Variants in CLVS1 observed in about 807,000 individuals in gnomAD.
CLVS1 encodes clavesin 1, also known as clavesin-1.
Under a neutral mutation model 33.1 loss-of-function variants are expected in CLVS1, and 10 were observed. The ratio of observed to expected loss-of-function variants is 0.30; its 90% CI spans 0.19 to 0.51. CLVS1 has a LOEUF of 0.51. Ranked by LOEUF, CLVS1 falls within the 20% of genes least tolerant of loss-of-function variation. The pLI is 0.97. For missense variants in CLVS1, 343 were observed against 433.4 expected (o/e 0.79, Z 1.85); for synonymous variants, 163 against 166.1 (o/e 0.98, Z 0.14).
chr8:61,105,451 G>A (rs1440483098), intron 1 of CLVS1, among the ~76,000 whole-genome samples: 1 of 151,998 alleles, frequency 6.6e-6, no homozygotes, highest in Non-Finnish European at 1.5e-5. Flanking sequence ...CATAAAACTC[G>A]TCTCACTCTG....
intron 1 of CLVS1, among the ~76,000 whole-genome samples, chr8:61,073,794 C>T (rs369486094): frequency 7.9e-5 from 12 of 151,480 alleles, no homozygotes; most frequent in Admixed American, 3.3e-4. Context: ...AGGCGGATCA[C>T]GAGGTCAGGA....
At chr8:61,047,626 GT>G in the CLVS1 span, among the ~76,000 whole-genome samples, 28 of 152,320 alleles carry the variant, frequency 1.8e-4, 1 homozygote, top group South Asian at 5.8e-3. Context: ...AAAATGATGA[GT>G]TCATGTCCTT....
At chr8:61,263,116 G>A (rs2129592315) in intron 2 of CLVS1, among the ~76,000 whole-genome samples, 1 of 152,270 alleles carries the variant, frequency 6.6e-6, no homozygotes. Flanking sequence ...ATGACCCAAA[G>A]ATGTCCCCGG....
chr8:61,332,334 G>T (rs1811630642), intron 2 of CLVS1, among the ~76,000 whole-genome samples: 1 of 152,086 alleles, frequency 6.6e-6, no homozygotes, highest in African/African-American at 2.4e-5. Context: ...GTGTTGCGCT[G>T]CTCCTTTAAA....
upstream of CLVS1, among the ~76,000 whole-genome samples, chr8:61,054,789 T>G (rs147119037): frequency 2.9e-3 from 448 of 152,284 alleles, 8 homozygotes; most frequent in Admixed American, 0.026. Context: ...GAGTCACCCA[T>G]GGGAAGAGCT....
chr8:61,198,099 A>C (rs1357676571), intron 2 of CLVS1, among the ~76,000 whole-genome samples: 12 of 145,792 alleles, frequency 8.2e-5, no homozygotes, highest in Admixed American at 5.7e-4. Context: ...TAGTTGTTAA[A>C]ATTTGGTGTT....
At chr8:61,058,972 C>A (rs998529176) in intron 1 of CLVS1, among the ~76,000 whole-genome samples, 1 of 152,036 alleles carries the variant, frequency 6.6e-6, no homozygotes, top group Non-Finnish European at 1.5e-5. Context: ...TGTTTCTGAG[C>A]TTTTAATATT....
intron 2 of CLVS1, among the ~76,000 whole-genome samples, chr8:61,258,095 T>A (rs1809124441): frequency 6.6e-6 from 1 of 152,196 alleles, no homozygotes; most frequent in Non-Finnish European, 1.5e-5. Flanking sequence ...CAATCTTCTC[T>A]TCTCTGCTCC....
At position 61,454,239 on chromosome 8, in the gene CLVS1, G is replaced by A; in HGVS notation, c.729G>A (p.Lys243=). ...YTLIKPFLKD[K]TRKRIFLHGN... The stretch of plus-strand genomic sequence containing the variant: ...TCATCAAGCCATTTCTTAAAGACAA[G>A]ACCAGGAAACGGGTAATGAAAACAA... Residue 243 remains lysine, a synonymous_variant, in exon 4 of 6, where the codon AAG becomes AAA. Transcript: ENST00000325897. 1.2e-6 allele frequency: 2 copies of A among 1,613,034 alleles called. No individual in the cohort carries two copies. The highest frequency in any genetic ancestry group is 1.7e-6 in the Non-Finnish European group (2 of 1,179,060).
intron 2 of CLVS1, among the ~76,000 whole-genome samples, chr8:61,311,318 C>G (rs1810824373): frequency 6.6e-6 from 1 of 152,312 alleles, no homozygotes; most frequent in African/African-American, 2.4e-5. Context: ...TTTATTCTCC[C>G]TTCTCCCTCT....
chr8:61,068,223 G>GTA lies in CLVS1; in HGVS notation c.-243+10995_-243+10996dup, dbSNP rs71521932. On this transcript the variant is annotated intron_variant, in intron 1 of 2. Transcript: ENST00000522621. ...TGTATATATATATATATATATGTAT[G>GTA]TATGTGTATATATATATATATATAT... Among the ~76,000 whole-genome samples, 280 of 105,162 alleles carry GTA rather than the reference G, an allele frequency of 2.7e-3. 5 individuals carry two copies. The highest frequency in any genetic ancestry group is 0.011 in the African/African-American group (207 of 18,952). The allele number at this position is 105,162 out of a possible 152,430, so 69.0% of individuals were successfully genotyped here.
chr8:61,399,379 T>A (rs574767107), intron 3 of CLVS1, among the ~76,000 whole-genome samples: 119 of 152,316 alleles, frequency 7.8e-4, no homozygotes, highest in African/African-American at 2.7e-3. Context: ...CTTTGCTGAC[T>A]TTTTAATGGG....
At chr8:61,074,953 A>G (rs1804881969) in intron 1 of CLVS1, among the ~76,000 whole-genome samples, 1 of 152,134 alleles carries the variant, frequency 6.6e-6, no homozygotes, top group African/African-American at 2.4e-5. Context: ...GGGGGGAAGC[A>G]CACTTTTGAA....
At chr8:61,021,027 C>T in the CLVS1 span, among the ~76,000 whole-genome samples, 115 of 152,214 alleles carry the variant, frequency 7.6e-4, 1 homozygote, top group Non-Finnish European at 1.1e-3. Flanking sequence ...GCTGCACACA[C>T]TTTTTCCTGT....
chr8:61,357,457 CG>C (rs1563513944), intron 2 of CLVS1, among the ~76,000 whole-genome samples: 2 of 116,456 alleles, frequency 1.7e-5, no homozygotes, highest in African/African-American at 6.1e-5. Context: ...TTTGCCAGGA[CG>C]TTTTTTTTTC....
At chr8:61,207,586 T>C (rs1468890640) in intron 2 of CLVS1, among the ~76,000 whole-genome samples, 2 of 152,258 alleles carry the variant, frequency 1.3e-5, no homozygotes, top group African/African-American at 4.8e-5. Flanking sequence ...TGTCTGCAGA[T>C]AGAGCTCAAC....
chr8:60,984,594 C>T, the CLVS1 span, among the ~76,000 whole-genome samples: 3 of 152,158 alleles, frequency 2.0e-5, no homozygotes, highest in Non-Finnish European at 2.9e-5. Context: ...TCCCAAAGTG[C>T]TAGGATTTCA....
At chr8:61,062,607 G>A (rs1804601057) in intron 1 of CLVS1, among the ~76,000 whole-genome samples, 1 of 152,176 alleles carries the variant, frequency 6.6e-6, no homozygotes, top group African/African-American at 2.4e-5. Flanking sequence ...CTATGGTATT[G>A]AGCGATAAGG....
chr8:61,349,827 G>C (rs1812374287), intron 2 of CLVS1, among the ~76,000 whole-genome samples: 1 of 152,082 alleles, frequency 6.6e-6, no homozygotes, highest in Admixed American at 6.6e-5. Context: ...GTTGGTAAAG[G>C]ATTGCCTCCT....
Sources: gnomAD v4.1 joint callset for allele counts (sites outside exome capture counted in the v4.1 genomes callset) on GRCh38, gnomAD v4.1.1 for gene constraint, MANE v1.5 for transcripts, NCBI Gene and HGNC (gene_info 2026-07-23, HGNC 2026-07-21) for gene names.